SH2D1B: variants seen among roughly 807,000 people sequenced by gnomAD.
SH2D1B encodes SH2 domain-containing protein 1B.
A neutral mutation model predicts 16.3 loss-of-function variants in SH2D1B; 11 were observed. The observed-to-expected ratio is 0.67, with a 90% confidence interval of 0.42 to 1.11. SH2D1B has a LOEUF of 1.11. SH2D1B is among the 50% of genes most tolerant of loss of function. The pLI, the probability that SH2D1B is intolerant of heterozygous loss-of-function variation, is 0.00. For missense variants in SH2D1B, 123 were observed against 153.1 expected (o/e 0.80, Z 1.04); for synonymous variants, 55 against 56.1 (o/e 0.98, Z 0.09).
In SH2D1B at chr1:162,395,824, CAA is replaced by C. The variant is rs1162300324; in HGVS notation, c.*1454_*1455del. The C allele has an allele frequency of 6.6e-6, 1 of 152,034 alleles. No individual in the cohort carries two copies. The highest frequency in any genetic ancestry group is 1.5e-5 in the Non-Finnish European group (1 of 67,992). The allele number at this position is 152,034 out of a possible 1,614,324, so 9.4% of individuals were successfully genotyped here. Reference sequence around the variant, plus strand: ...GAAAATTTATGACTCCATGAAAGGGCAAAAAAGATGACCCAAGAACATGGATG... The same window carrying C: ...GAAAATTTATGACTCCATGAAAGGGCAAAAGATGACCCAAGAACATGGATG... On this transcript the variant is annotated 3_prime_UTR_variant, in exon 4 of 4. Transcript: ENST00000367929.
rs746390898 is a variant in SH2D1B at position 162,412,058 on chromosome 1, A to G, written c.-42T>C. The stretch of plus-strand genomic sequence containing the variant: ...TCCCAGGAAGCCCTGTTGGCCTGAA[A>G]TTCACCCCCAAGTCAAGGGACAGCT... On this transcript the variant is annotated 5_prime_UTR_variant, in exon 1 of 4. Transcript: ENST00000367929. 6.2e-7 allele frequency: 1 copy of G among 1,612,042 alleles called. No individual in the cohort carries two copies. Among genetic ancestry groups the G allele is most frequent in the Non-Finnish European group, 8.5e-7 (1 of 1,178,504 alleles).
chr1:162,398,823 G>C, intron 3 of SH2D1B, 100 bp downstream of exon 3: 1 of 1,348,076 alleles, frequency 7.4e-7, no homozygotes, highest in South Asian at 1.5e-5. Context: ...TAGAGATAAT[G>C]TCACAGAAAA....
intron 3 of SH2D1B, among the ~76,000 whole-genome samples, chr1:162,398,038 G>A (rs913324283): frequency 6.6e-6 from 1 of 152,188 alleles, no homozygotes; most frequent in Non-Finnish European, 1.5e-5. Context: ...TGGTAGGGAA[G>A]GGAGTTGTAT....
chr1:162,405,621 ACT>A (rs1447981154), intron 1 of SH2D1B, among the ~76,000 whole-genome samples: 1 of 151,862 alleles, frequency 6.6e-6, no homozygotes, highest in Non-Finnish European at 1.5e-5. Flanking sequence ...TGGTGTCTTG[ACT>A]CTCTGTGTGA....
At chr1:162,400,258 T>C (rs914350186) in intron 2 of SH2D1B, among the ~76,000 whole-genome samples, 3 of 151,938 alleles carry the variant, frequency 2.0e-5, no homozygotes, top group Non-Finnish European at 4.4e-5. Context: ...AAATAGATGT[T>C]TTCTGTTTAC....
At chr1:162,408,409 CTCT>C (rs1368723277) in intron 1 of SH2D1B, among the ~76,000 whole-genome samples, 16 of 138,354 alleles carry the variant, frequency 1.2e-4, no homozygotes, top group East Asian at 8.9e-4. Context: ...CTCTTTTTTT[CTCT>C]TCTTTTTTTT....
At chr1:162,408,414 C>CTTTTTTT (rs34627792) in intron 1 of SH2D1B, among the ~76,000 whole-genome samples, 13 of 128,186 alleles carry the variant, frequency 1.0e-4, no homozygotes, top group East Asian at 2.3e-4. Flanking sequence ...TTTTTCTCTT[C>CTTTTTTT]TTTTTTTTTT....
rs199515855 is a variant in SH2D1B at position 162,397,266 on chromosome 1, C to T, written c.*14G>A. The T allele has an allele frequency of 1.4e-4, 230 of 1,613,602 alleles. No individual in the cohort carries two copies. Among genetic ancestry groups the T allele is most frequent in the South Asian group, 1.6e-4 (15 of 91,042 alleles). ...ACTCATCTCTTCAACTTGCTTTGTC[C>T]GGCAGCCTTATCTTCAAGGCAAGAC... On this transcript the variant is annotated 3_prime_UTR_variant, in exon 4 of 4. Coordinates refer to ENST00000367929, the MANE Select transcript of SH2D1B (RefSeq NM_053282.5).
intron 1 of SH2D1B, among the ~76,000 whole-genome samples, chr1:162,406,644 C>T (rs191179904): frequency 6.6e-6 from 1 of 152,318 alleles, no homozygotes; most frequent in Non-Finnish European, 1.5e-5. Context: ...TAAACCACCA[C>T]AACAAAATGG....
rs552384084 is a variant in SH2D1B at position 162,402,868 on chromosome 1, G to T, written c.135-66C>A. 383 of 1,246,016 alleles carry T rather than the reference G, an allele frequency of 3.1e-4. 3 individuals are homozygous for T. The South Asian group carries it at 4.5e-3, about 15-fold the overall frequency. 77.2% of individuals were successfully genotyped at this position (1,246,016 alleles called of 1,614,324 possible). ...AAATCCAGGTAACATCTATCGTTAT[G>T]TTTCATATGCAATACCTTTGTTAAT... On this transcript the variant is annotated intron_variant, in intron 1 of 3. Transcript: ENST00000367929.
intron 1 of SH2D1B, among the ~76,000 whole-genome samples, chr1:162,403,098 A>G (rs1335971748): frequency 6.6e-6 from 1 of 151,948 alleles, no homozygotes; most frequent in Non-Finnish European, 1.5e-5. Context: ...AAAAAAGACA[A>G]AGGATATAGA....
At chr1:162,411,363 T>C (rs920768432) in intron 1 of SH2D1B, among the ~76,000 whole-genome samples, 9 of 152,230 alleles carry the variant, frequency 5.9e-5, no homozygotes, top group African/African-American at 1.9e-4. Flanking sequence ...AAATGGTGAC[T>C]GCTTATGCTT....
At chr1:162,402,649 G>T in intron 2 of SH2D1B, 90 bp downstream of exon 2, 2 of 1,079,996 alleles carry the variant, frequency 1.9e-6, no homozygotes, top group Non-Finnish European at 2.8e-6. Flanking sequence ...GAATGCTTTC[G>T]CACAGTCATG....
rs926504776 is a variant in SH2D1B at position 162,411,763 on chromosome 1, T to C, written c.134+120A>G. 9.9e-6 allele frequency: 13 copies of C among 1,313,242 alleles called. No homozygotes were observed. The African/African-American group carries it at 1.6e-4, about 16-fold the overall frequency. The allele number at this position is 1,313,242 out of a possible 1,614,324, so 81.3% of individuals were successfully genotyped here. On this transcript the variant is annotated intron_variant, in intron 1 of 3. Transcript: ENST00000367929. ...TGGCAGTGTCCATTACTTCTCATTC[T>C]ACTCATTGAGACTCCAAAGTCAGAG...
chr1:162,403,504 AAAAAAAAAT>A lies in SH2D1B; in HGVS notation c.135-711_135-703del, dbSNP rs1342547107. The stretch of plus-strand genomic sequence containing the variant: ...ACTCTGTCTGAAAAAAAAAAAAAAA[AAAAAAAAAT>A]ATATATATATATATATATATATATA... On this transcript the variant is annotated intron_variant, in intron 1 of 3. Transcript: ENST00000367929. Among the ~76,000 whole-genome samples the A allele has an allele frequency of 1.4e-3, 46 of 31,748 alleles. 1 individual carries two copies. Among genetic ancestry groups the A allele is most frequent in the African/African-American group, 3.9e-3 (41 of 10,440 alleles). 20.8% of individuals were successfully genotyped at this position (31,748 alleles called of 152,430 possible). A position where few individuals can be genotyped will look rare whatever the true frequency, so the allele number is the denominator to read the frequency against.
At chr1:162,398,840 T>G (rs970926562) in intron 3 of SH2D1B, 83 bp downstream of exon 3, 5 of 1,419,468 alleles carry the variant, frequency 3.5e-6, no homozygotes, top group Non-Finnish European at 4.8e-6. Flanking sequence ...AAAAGAGCAT[T>G]TGTCTGTATT....
rs986741647 is a variant in SH2D1B, at chr1:162,412,095, T to C, written c.-79A>G. The C allele has an allele frequency of 2.5e-5, 40 of 1,585,930 alleles. No homozygotes were observed. Among genetic ancestry groups the C allele is most frequent in the Non-Finnish European group, 3.1e-5 (36 of 1,159,442 alleles). ...GTCAAGGGACAGCTCTGAGGAGAGA[T>C]GTGTAAGCAGCTGTACCTCCTGTGG... On this transcript the variant is annotated 5_prime_UTR_variant, in exon 1 of 4. Coordinates refer to ENST00000367929, the MANE Select transcript of SH2D1B (RefSeq NM_053282.5).
At chr1:162,397,411 A>C (rs1648404853) in intron 3 of SH2D1B, 96 bp from the exon 4 acceptor site, 5 of 1,346,478 alleles carry the variant, frequency 3.7e-6, no homozygotes, top group Non-Finnish European at 4.2e-6. Flanking sequence ...ACCCCTCCCC[A>C]GGCACAGAGC....
At chr1:162,411,694 G>C (rs1370844866) in intron 1 of SH2D1B, among the ~76,000 whole-genome samples, 189 bp downstream of exon 1, 1 of 152,140 alleles carries the variant, frequency 6.6e-6, no homozygotes, top group East Asian at 1.9e-4. Flanking sequence ...TTACACCAGG[G>C]AGAGCAGGCA....
Sources: allele counts gnomAD v4.1 joint callset (sites outside exome capture counted in the v4.1 genomes callset), GRCh38; gene constraint gnomAD v4.1.1; transcripts MANE v1.5; gene names NCBI Gene and HGNC (gene_info 2026-07-23, HGNC 2026-07-21).